Variants in CAT observed in about 807,000 individuals in gnomAD.
CAT encodes the protein epididymis secretory sperm binding protein.
Under a neutral mutation model 59.0 loss-of-function variants are expected in CAT, and 43 were observed. That is an observed-to-expected ratio of 0.73 (90% CI 0.57 to 0.94). The LOEUF is 0.94. Among genes scored for constraint, CAT ranks in the 40% least tolerant of loss-of-function variants. CAT has a pLI of 0.00. For missense variants in CAT, 664 were observed against 682.9 expected (o/e 0.97, Z 0.31); for synonymous variants, 218 against 230.9 (o/e 0.94, Z 0.51).
chr11:34,459,896 A>G (rs1462078583), intron 8 of CAT, among the ~76,000 whole-genome samples: 1 of 152,258 alleles, frequency 6.6e-6, no homozygotes, highest in Non-Finnish European at 1.5e-5. Context: ...AGTTTTGGTC[A>G]TGGCCGCATG....
intron 1 of CAT, among the ~76,000 whole-genome samples, chr11:34,439,621 C>T (rs182337487): frequency 5.6e-4 from 86 of 152,292 alleles, no homozygotes; most frequent in African/African-American, 2.0e-3. Flanking sequence ...TTCATTGTCT[C>T]ATTTGCACTT....
chr11:34,460,638 G>C (rs147378932), intron 8 of CAT: 219 of 155,792 alleles, frequency 1.4e-3, no homozygotes, highest in Non-Finnish European at 2.4e-3. Context: ...TTTTTTTGTA[G>C]AGACAGGTCT....
rs1856779446 is a variant in CAT at position 34,472,048 on chromosome 11, G to GTT, written c.*616_*617insTT. The GTT allele has an allele frequency of 6.5e-6, 1 of 154,454 alleles. No individual in the cohort carries two copies. Among genetic ancestry groups the GTT allele is most frequent in the Non-Finnish European group, 1.4e-5 (1 of 69,452 alleles). 9.6% of individuals were successfully genotyped at this position (154,454 alleles called of 1,614,324 possible). On this transcript the variant is annotated 3_prime_UTR_variant, in exon 13 of 13. Coordinates refer to ENST00000241052, the MANE Select transcript of CAT (RefSeq NM_001752.4). ...CTTACATTTTTACAATAAATAATCT[G>GTT]TACGTAAGAACAGAGATGGTATTTT...
chr11:34,471,253 TA>T, intron 12 of CAT, 114 bp from the exon 13 acceptor site: 1 of 967,992 alleles, frequency 1.0e-6, no homozygotes. Context: ...TTAAGACAGT[TA>T]AAGTGAATGA....
intron 1 of CAT, among the ~76,000 whole-genome samples, chr11:34,440,852 T>C (rs1856382631): frequency 6.6e-6 from 1 of 152,210 alleles, no homozygotes; most frequent in Non-Finnish European, 1.5e-5. Flanking sequence ...TGTAATATTT[T>C]CATTTTTAAA....
chr11:34,456,153 C>A lies in CAT; in HGVS notation c.854C>A (p.Thr285Lys). The A allele has an allele frequency of 6.2e-7, 1 of 1,614,062 alleles. No individual in the cohort carries two copies. The highest frequency in any genetic ancestry group is 8.5e-7 in the Non-Finnish European group (1 of 1,179,970). The change falls in exon 7 of 13, where the codon ACA (threonine) becomes AAA (lysine). Residue 285 changes from threonine to lysine, a missense_variant. Physicochemically the swap from Thr to Lys is moderately conservative, Grantham distance 78 (BLOSUM62 -1). Transcript: ENST00000241052. ...TGGACTTTTTACATCCAGGTCATGA[C>A]ATTTAATCAGGCAGAAACTTTTCCA... ...PSWTFYIQVMTFNQAETFPFN... is the reference protein window; with the variant it reads ...PSWTFYIQVMKFNQAETFPFN...
At chr11:34,450,839 T>C (rs1856515673) in intron 2 of CAT, 149 bp from the exon 3 acceptor site, 2 of 753,316 alleles carry the variant, frequency 2.7e-6, no homozygotes, top group South Asian at 2.7e-5. Context: ...TTATTTTGTG[T>C]TTGGGCATTT....
intron 11 of CAT, among the ~76,000 whole-genome samples, chr11:34,469,279 G>C (rs891046608): frequency 6.6e-6 from 1 of 152,220 alleles, no homozygotes; most frequent in Non-Finnish European, 1.5e-5. Context: ...CAGAGAGCTT[G>C]ACAGGCGCTC....
chr11:34,470,339 C>T (rs1258569829), intron 11 of CAT, among the ~76,000 whole-genome samples: 1 of 152,176 alleles, frequency 6.6e-6, no homozygotes, highest in Non-Finnish European at 1.5e-5. Context: ...GTGGACCACC[C>T]TTCTAGCTCC....
In CAT at chr11:34,467,441, A is replaced by G. The variant is rs139817950; in HGVS notation, c.1327-847A>G. 3.7e-4 allele frequency among the ~76,000 whole-genome samples: 56 copies of G among 152,320 alleles called. No homozygotes were observed. In the East Asian group the frequency reaches 9.8e-3, roughly 27 times the overall value. On this transcript the variant is annotated intron_variant, in intron 10 of 12. Coordinates refer to ENST00000241052, the MANE Select transcript of CAT (RefSeq NM_001752.4). ...CTTTACTCAAAAATTTAAAAACATA[A>G]TTATAGCCTGATATTTGATGACTTA...
rs796288657 is a variant in CAT, at chr11:34,443,411, C to T, written c.66+4332C>T. On this transcript the variant is annotated intron_variant, in intron 1 of 12. Coordinates refer to ENST00000241052, the MANE Select transcript of CAT (RefSeq NM_001752.4). ...ATGTGTTCATGAGTATGACCTCGAT[C>T]CACTTAAAAATTCTTATTTCTTTTT... 5.3e-4 allele frequency among the ~76,000 whole-genome samples: 81 copies of T among 152,162 alleles called. 1 individual carries two copies. The highest frequency in any genetic ancestry group is 1.7e-3 in the African/African-American group (72 of 41,548).
intron 1 of CAT, among the ~76,000 whole-genome samples, chr11:34,448,202 A>G (rs1196075052): frequency 3.3e-5 from 5 of 152,024 alleles, no homozygotes; most frequent in Non-Finnish European, 5.9e-5. Context: ...TACAGACTCC[A>G]CTCTAGGTGT....
At chr11:34,461,109 C>T in intron 8 of CAT, 142 bp from the exon 9 acceptor site, 1 of 915,120 alleles carries the variant, frequency 1.1e-6, no homozygotes, top group Non-Finnish European at 1.8e-6. Context: ...AGGCTTCACT[C>T]TTAAGTAGCG....
At chr11:34,453,325 G>C in intron 5 of CAT, 131 bp downstream of exon 5, 2 of 746,826 alleles carry the variant, frequency 2.7e-6, no homozygotes, top group Non-Finnish European at 4.9e-6. Flanking sequence ...TGATCGTGAA[G>C]AGTTTTGTAG....
intron 3 of CAT, among the ~76,000 whole-genome samples, chr11:34,451,354 A>C (rs760999215): frequency 7.9e-5 from 12 of 152,218 alleles, no homozygotes; most frequent in Non-Finnish European, 1.5e-4. Flanking sequence ...AGCTTTCCTA[A>C]AAGTGGTTGC....
In CAT at chr11:34,453,939, T is replaced by G; in HGVS notation, c.711+13T>G. 6.2e-7 allele frequency: 1 copy of G among 1,613,234 alleles called. No individual in the cohort carries two copies. The highest frequency in any genetic ancestry group is 8.5e-7 in the Non-Finnish European group (1 of 1,179,368). On this transcript the variant is annotated intron_variant, in intron 6 of 12. Coordinates refer to ENST00000241052, the MANE Select transcript of CAT (RefSeq NM_001752.4). ...ATTCCATTATAAGGTATGTGTTACCTTTGGGGCAGAGGGTACAAGGCTCCT... is the reference window on the plus strand; with the variant it reads ...ATTCCATTATAAGGTATGTGTTACCGTTGGGGCAGAGGGTACAAGGCTCCT...
Position 34,471,483 on chromosome 11 carries a change from C to A in CAT, c.*50C>A. The A allele has an allele frequency of 6.8e-7, 1 of 1,468,474 alleles. No homozygotes were observed. Among genetic ancestry groups the A allele is most frequent in the Non-Finnish European group, 9.6e-7 (1 of 1,047,044 alleles). 91.0% of individuals were successfully genotyped at this position (1,468,474 alleles called of 1,614,324 possible). A position where few individuals can be genotyped will look rare whatever the true frequency, so the allele number is the denominator to read the frequency against. Reference sequence around the variant, plus strand: ...CGAAGCTTAGCGTTCATCCGTGTAACCCGCTCATCACTGGATGAAGATTCT... The same window carrying A: ...CGAAGCTTAGCGTTCATCCGTGTAAACCGCTCATCACTGGATGAAGATTCT... On this transcript the variant is annotated 3_prime_UTR_variant, in exon 13 of 13. Coordinates refer to ENST00000241052, the MANE Select transcript of CAT (RefSeq NM_001752.4).
chr11:34,452,189 C>T lies in CAT; in HGVS notation c.462C>T (p.Phe154=). The change falls in exon 4 of 13, where the codon TTC becomes TTT. Residue 154 remains phenylalanine, a synonymous_variant. Coordinates refer to ENST00000241052, the MANE Select transcript of CAT (RefSeq NM_001752.4). ...DLVGNNTPIF[F]IRDPILFPSF... is the part of the protein sequence containing the mutation. ...TTGGAAATAACACCCCCATTTTCTT[C>T]ATCAGGGATCCCATATTGGTAGGTA... is the stretch of plus-strand genomic sequence containing the variant. 6.2e-7 allele frequency: 1 copy of T among 1,613,752 alleles called. No homozygotes were observed. Among genetic ancestry groups the T allele is most frequent in the Non-Finnish European group, 8.5e-7 (1 of 1,179,686 alleles).
intron 4 of CAT, among the ~76,000 whole-genome samples, chr11:34,452,609 T>G (rs1856537956): frequency 6.6e-6 from 1 of 152,092 alleles, no homozygotes. Flanking sequence ...ATCCCAGCAC[T>G]TTGGGAGGCC....
Sources: allele counts gnomAD v4.1 joint callset (sites outside exome capture counted in the v4.1 genomes callset), GRCh38; gene constraint gnomAD v4.1.1; transcripts MANE v1.5; gene names NCBI Gene and HGNC (gene_info 2026-07-23, HGNC 2026-07-21).